The following VMP1 variants were observed in gnomAD, a reference collection of about 807,000 sequenced individuals.
VMP1 encodes the protein ectopic P-granules autophagy protein 3 homolog.
Under a neutral mutation model 56.0 loss-of-function variants are expected in VMP1, and 11 were observed. The ratio of observed to expected loss-of-function variants is 0.20; its 90% CI spans 0.12 to 0.32. The LOEUF (loss-of-function observed/expected upper bound fraction) is 0.32. Ranked by LOEUF, VMP1 falls within the 10% of genes least tolerant of loss-of-function variation. The pLI is 1.00. For missense variants in VMP1, 296 were observed against 490.3 expected (o/e 0.60, Z 3.74); for synonymous variants, 149 against 165.0 (o/e 0.90, Z 0.74).
At chr17:59,769,344 G>A (rs1035809856) in intron 6 of VMP1, among the ~76,000 whole-genome samples, 2 of 151,466 alleles carry the variant, frequency 1.3e-5, no homozygotes, top group Admixed American at 1.3e-4. Flanking sequence ...AGTAGAGACA[G>A]GGTTTCTTGG....
At chr17:59,762,252 A>C (rs2036083603) in intron 5 of VMP1, among the ~76,000 whole-genome samples, 1 of 152,320 alleles carries the variant, frequency 6.6e-6, no homozygotes, top group South Asian at 2.1e-4. Context: ...CCTGCTGCTC[A>C]GTAAATATAT....
intron 10 of VMP1, among the ~76,000 whole-genome samples, chr17:59,820,075 A>G (rs762439880): frequency 6.6e-6 from 1 of 152,160 alleles, no homozygotes; most frequent in Non-Finnish European, 1.5e-5. Context: ...GCATATCATC[A>G]CCACTGTCTT....
chr17:59,734,940 T>G (rs948409111), intron 2 of VMP1, among the ~76,000 whole-genome samples: 3 of 143,660 alleles, frequency 2.1e-5, no homozygotes, highest in Non-Finnish European at 3.0e-5. Context: ...CAGAGTCTCT[T>G]TCATTCTGTT....
chr17:59,722,600 G>C (rs914945017), intron 1 of VMP1, among the ~76,000 whole-genome samples: 1 of 151,992 alleles, frequency 6.6e-6, no homozygotes, highest in African/African-American at 2.4e-5. Context: ...CAACACTTTG[G>C]AAGGCCAAGG....
chr17:59,735,824 G>C lies in VMP1; in HGVS notation c.212+351G>C, dbSNP rs550208691. On this transcript the variant is annotated intron_variant, in intron 3 of 11. Transcript: ENST00000262291. ...TTAGATACACTGATTCTTTAGCAGG[G>C]CAAGGTTCAGCATATGTGGCAGTTT... 24 of 179,830 alleles carry C rather than the reference G, an allele frequency of 1.3e-4. No individual in the cohort carries two copies. The Middle Eastern group carries it at 7.6e-3, about 57-fold the overall frequency. The allele number at this position is 179,830 out of a possible 1,614,324, so 11.1% of individuals were successfully genotyped here. A position where few individuals can be genotyped will look rare whatever the true frequency, so the allele number is the denominator to read the frequency against.
At chr17:59,751,609 G>C (rs1419519349) in intron 5 of VMP1, among the ~76,000 whole-genome samples, 2 of 148,756 alleles carry the variant, frequency 1.3e-5, no homozygotes, top group Admixed American at 6.7e-5. Flanking sequence ...GGGCGTGGTG[G>C]GGGGGGCGCC....
At chr17:59,830,195 C>G (rs1212171059) in intron 10 of VMP1, among the ~76,000 whole-genome samples, 1 of 152,054 alleles carries the variant, frequency 6.6e-6, no homozygotes, top group African/African-American at 2.4e-5. Flanking sequence ...AAGTGATCCT[C>G]CCACCTCCTG....
intron 9 of VMP1, 92 bp from the exon 10 acceptor site, chr17:59,817,620 A>G (rs918846497): frequency 8.9e-6 from 8 of 902,442 alleles, no homozygotes; most frequent in East Asian, 8.4e-5. Context: ...TAGGGGCACA[A>G]TCTTACCTCT....
chr17:59,763,334 T>C (rs991290242), intron 5 of VMP1, among the ~76,000 whole-genome samples: 2 of 152,080 alleles, frequency 1.3e-5, no homozygotes, highest in Admixed American at 6.5e-5. Context: ...TGATTGTAGA[T>C]TTCATGGTTA....
At chr17:59,744,931 T>C (rs1178322653) in intron 5 of VMP1, among the ~76,000 whole-genome samples, 1 of 152,060 alleles carries the variant, frequency 6.6e-6, no homozygotes, top group Admixed American at 6.6e-5. Context: ...ATATCACTAG[T>C]CTTTATTTTT....
At chr17:59,724,878 A>G (rs2034538243) in intron 1 of VMP1, among the ~76,000 whole-genome samples, 1 of 151,944 alleles carries the variant, frequency 6.6e-6, no homozygotes, top group Non-Finnish European at 1.5e-5. Flanking sequence ...AGGCAGGAGA[A>G]TGGCATGAAC....
At chr17:59,739,972 G>A (rs2035166019) in intron 5 of VMP1, among the ~76,000 whole-genome samples, 1 of 151,096 alleles carries the variant, frequency 6.6e-6, no homozygotes, top group Admixed American at 6.6e-5. Context: ...AGCTACTCGG[G>A]AGGCTGAGGC....
intron 1 of VMP1, among the ~76,000 whole-genome samples, chr17:59,717,137 G>A (rs549687943): frequency 1.3e-5 from 2 of 151,158 alleles, no homozygotes; most frequent in South Asian, 2.1e-4. Context: ...CCACCACCAC[G>A]CCCGGCTAAT....
At chr17:59,808,740 C>A in intron 7 of VMP1, 56 bp from the exon 8 acceptor site, 9 of 1,352,990 alleles carry the variant, frequency 6.7e-6, no homozygotes, top group South Asian at 3.7e-5. Context: ...TAGAAAGAAC[C>A]ATCTTTCCTT....
At chr17:59,830,997 T>C (rs1333922808) in intron 10 of VMP1, among the ~76,000 whole-genome samples, 1 of 151,950 alleles carries the variant, frequency 6.6e-6, no homozygotes, top group East Asian at 1.9e-4. Context: ...GTTAATTTTC[T>C]GTGTGGGTGT....
At chr17:59,741,331 T>C (rs2035217796) in intron 5 of VMP1, among the ~76,000 whole-genome samples, 2 of 152,174 alleles carry the variant, frequency 1.3e-5, no homozygotes, top group South Asian at 4.1e-4. Context: ...GTTAGGATTA[T>C]CCTTATGAGA....
At chr17:59,723,442 G>A (rs1196733982) in intron 1 of VMP1, among the ~76,000 whole-genome samples, 1 of 152,200 alleles carries the variant, frequency 6.6e-6, no homozygotes, top group East Asian at 1.9e-4. Flanking sequence ...GAAATAGGGA[G>A]TGGATACTTG....
intron 10 of VMP1, among the ~76,000 whole-genome samples, chr17:59,828,024 TAAA>T (rs768590295): frequency 1.6e-5 from 2 of 125,702 alleles, no homozygotes; most frequent in Non-Finnish European, 1.7e-5. Flanking sequence ...ACAACCTCTT[TAAA>T]AAAAAAAAAA....
At chr17:59,750,144 CTT>C (rs1404934579) in intron 5 of VMP1, among the ~76,000 whole-genome samples, 1 of 151,980 alleles carries the variant, frequency 6.6e-6, no homozygotes, top group African/African-American at 2.4e-5. Flanking sequence ...CTATATATAG[CTT>C]TTTCTTAATT....
Sources: gnomAD v4.1 joint callset for allele counts (sites outside exome capture counted in the v4.1 genomes callset) on GRCh38, gnomAD v4.1.1 for gene constraint, MANE v1.5 for transcripts, NCBI Gene and HGNC (gene_info 2026-07-23, HGNC 2026-07-21) for gene names.